The following NAALADL2 variants were observed in gnomAD, a reference collection of about 807,000 sequenced individuals.
The protein encoded by NAALADL2 is N-acetylated alpha-linked acidic dipeptidase like 2.
Under a neutral mutation model 87.2 loss-of-function variants are expected in NAALADL2, and 76 were observed. The observed-to-expected ratio is 0.87, with a 90% CI of 0.72 to 1.05. The LOEUF is 1.05. Ranked by LOEUF, NAALADL2 falls within the 50% of genes least tolerant of loss-of-function variation. The pLI is 0.00. For missense variants in NAALADL2, 1,089 were observed against 945.8 expected (o/e 1.15, Z -1.99); for synonymous variants, 354 against 331.0 (o/e 1.07, Z -0.75).
intron 1 of NAALADL2, among the ~76,000 whole-genome samples, chr3:174,501,288 C>T (rs373605751): frequency 0.11 from 15,808 of 143,732 alleles, 1,162 homozygotes; most frequent in Non-Finnish European, 0.15. Flanking sequence ...CCGTTTTAGC[C>T]GGGATGGTCT....
At chr3:174,772,367 T>G (rs895893237) in intron 3 of NAALADL2, among the ~76,000 whole-genome samples, 4 of 152,122 alleles carry the variant, frequency 2.6e-5, no homozygotes, top group Non-Finnish European at 5.9e-5. Context: ...AATTGTAGAT[T>G]TAAATTGAGT....
At chr3:175,007,709 A>G (rs554850465) in intron 1 of NAALADL2, among the ~76,000 whole-genome samples, 11 of 152,262 alleles carry the variant, frequency 7.2e-5, no homozygotes, top group Middle Eastern at 3.4e-3. Flanking sequence ...GAACCCAAAT[A>G]TATACTGTTT....
chr3:174,987,016 T>G (rs570608094), intron 1 of NAALADL2, among the ~76,000 whole-genome samples: 2 of 152,272 alleles, frequency 1.3e-5, no homozygotes, highest in South Asian at 4.1e-4. Context: ...GGTTAAAAAT[T>G]TACAAACTAA....
At chr3:175,300,096 T>A (rs1756864124) in intron 4 of NAALADL2, among the ~76,000 whole-genome samples, 1 of 152,218 alleles carries the variant, frequency 6.6e-6, no homozygotes, top group South Asian at 2.1e-4. Context: ...TGTTTATTGA[T>A]TTGCATATGC....
At position 175,343,671 on chromosome 3, in the gene NAALADL2, TTTTTTC is replaced by T. The variant is rs1412320725; in HGVS notation, c.1090+19347_1090+19352del. ...CTTGATCATGTTTTTTTTTTTTTTT[TTTTTTC>T]CCTTCCCACTGATCAAACTAGGAAA... On this transcript the variant is annotated intron_variant, in intron 5 of 13. Transcript: ENST00000454872. Among the ~76,000 whole-genome samples the T allele has an allele frequency of 2.2e-4, 31 of 143,456 alleles. 2 individuals carry two copies. The highest frequency in any genetic ancestry group is 5.0e-4 in the African/African-American group (19 of 37,880). The allele number at this position is 143,456 out of a possible 152,430, so 94.1% of individuals were successfully genotyped here.
intron 1 of NAALADL2, among the ~76,000 whole-genome samples, chr3:174,889,666 G>A (rs907310792): frequency 1.3e-5 from 2 of 151,542 alleles, no homozygotes; most frequent in African/African-American, 4.9e-5. Context: ...ACTAATAATT[G>A]ACAAGGCATG....
chr3:175,317,934 T>A (rs903013552), intron 4 of NAALADL2, among the ~76,000 whole-genome samples: 1 of 152,112 alleles, frequency 6.6e-6, no homozygotes, highest in African/African-American at 2.4e-5. Context: ...ACCCGGAAAT[T>A]CCACCTGTGG....
intron 1 of NAALADL2, among the ~76,000 whole-genome samples, chr3:174,921,764 C>T (rs953025797): frequency 2.9e-5 from 4 of 136,274 alleles, no homozygotes; most frequent in Non-Finnish European, 4.5e-5. Flanking sequence ...GAGATTGTGC[C>T]GTTGCACTCT....
chr3:175,024,425 C>A (rs187983826), intron 1 of NAALADL2, among the ~76,000 whole-genome samples: 1 of 152,146 alleles, frequency 6.6e-6, no homozygotes, highest in Admixed American at 6.6e-5. Flanking sequence ...AAGGGCAAAG[C>A]GGATGCTTTG....
chr3:175,409,803 G>T (rs78302466), intron 5 of NAALADL2, among the ~76,000 whole-genome samples: 2,879 of 152,030 alleles, frequency 0.019, 95 homozygotes, highest in African/African-American at 0.067. Context: ...CTTAGAGAAA[G>T]AACACTGACA....
chr3:175,460,750 G>A (rs573697607), intron 6 of NAALADL2, among the ~76,000 whole-genome samples: 3 of 152,158 alleles, frequency 2.0e-5, no homozygotes, highest in African/African-American at 4.8e-5. Context: ...GAAGTTATGG[G>A]TCTTGGTAAA....
chr3:174,967,483 G>C (rs1274447973), intron 1 of NAALADL2, among the ~76,000 whole-genome samples: 3 of 152,036 alleles, frequency 2.0e-5, no homozygotes, highest in African/African-American at 7.2e-5. Flanking sequence ...GGTACAGTCT[G>C]TTTCTCTACC....
At chr3:175,375,545 A>C (rs1183295334) in intron 5 of NAALADL2, among the ~76,000 whole-genome samples, 1 of 152,098 alleles carries the variant, frequency 6.6e-6, no homozygotes, top group Non-Finnish European at 1.5e-5. Flanking sequence ...TGAACTCTTT[A>C]TTATTCTAAA....
intron 9 of NAALADL2, among the ~76,000 whole-genome samples, chr3:175,540,496 G>A (rs1712121034): frequency 6.6e-6 from 1 of 152,130 alleles, no homozygotes; most frequent in Non-Finnish European, 1.5e-5. Flanking sequence ...CAAGTACCAT[G>A]AGAAGCCATT....
At chr3:175,200,008 T>C (rs1050080564) in intron 2 of NAALADL2, among the ~76,000 whole-genome samples, 7 of 150,570 alleles carry the variant, frequency 4.6e-5, no homozygotes, top group Non-Finnish European at 8.9e-5. Flanking sequence ...AGACTACTAC[T>C]TCGAAAAGTC....
intron 1 of NAALADL2, among the ~76,000 whole-genome samples, chr3:174,862,256 C>T (rs1401890735): frequency 3.3e-5 from 5 of 152,054 alleles, no homozygotes; most frequent in Admixed American, 2.6e-4. Context: ...GCAAACTCAC[C>T]TGCACCACTG....
chr3:175,694,234 A>G (rs1309333372), intron 11 of NAALADL2, among the ~76,000 whole-genome samples: 1 of 152,174 alleles, frequency 6.6e-6, no homozygotes, highest in Non-Finnish European at 1.5e-5. Context: ...AGGTGAAATT[A>G]CCAAAAACTT....
intron 9 of NAALADL2, among the ~76,000 whole-genome samples, chr3:175,514,558 T>G (rs1423699050): frequency 6.6e-6 from 1 of 152,232 alleles, no homozygotes; most frequent in East Asian, 1.9e-4. Flanking sequence ...CTCGCTCCTT[T>G]ACCTGTTTCT....
chr3:175,318,496 A>G (rs1445271447), intron 4 of NAALADL2, among the ~76,000 whole-genome samples: 3 of 152,116 alleles, frequency 2.0e-5, no homozygotes, highest in Non-Finnish European at 4.4e-5. Context: ...TCCTCAAAAA[A>G]CTTTTGTTAG....
Sources: allele counts gnomAD v4.1 joint callset (sites outside exome capture counted in the v4.1 genomes callset), GRCh38; gene constraint gnomAD v4.1.1; transcripts MANE v1.5; gene names NCBI Gene and HGNC (gene_info 2026-07-23, HGNC 2026-07-21).